CELF2: variants seen among roughly 807,000 people sequenced by gnomAD.
CELF2 encodes the protein CUG triplet repeat RNA-binding protein 2.
Under a neutral mutation model 62.6 loss-of-function variants are expected in CELF2, and 8 were observed. The ratio of observed to expected loss-of-function variants is 0.13; its 90% CI spans 0.07 to 0.23. CELF2 has a LOEUF of 0.23. Among genes scored for constraint, CELF2 ranks in the 10% least tolerant of loss-of-function variants. The pLI is 1.00. For missense variants in CELF2, 333 were observed against 671.0 expected, an observed-to-expected ratio of 0.50 and a Z score of 5.56; for synonymous variants, 258 against 250.0, an observed-to-expected ratio of 1.03 and a Z score of -0.30.
At chr10:10,759,296 CTTTTTT>C in the CELF2 span, among the ~76,000 whole-genome samples, 23 of 120,878 alleles carry the variant, frequency 1.9e-4, 1 homozygote, top group South Asian at 1.8e-3. Flanking sequence ...GCCCATTTTT[CTTTTTT>C]TTTTTTTTTT....
intron 1 of CELF2, among the ~76,000 whole-genome samples, chr10:10,844,295 A>C (rs1326966005): frequency 6.6e-6 from 1 of 152,068 alleles, no homozygotes; most frequent in Non-Finnish European, 1.5e-5. Flanking sequence ...AAACATTCAG[A>C]ACAAGGGGAA....
At chr10:10,788,427 T>C in the CELF2 span, among the ~76,000 whole-genome samples, 1 of 151,158 alleles carries the variant, frequency 6.6e-6, no homozygotes, top group African/African-American at 2.4e-5. Context: ...CCAATAATTG[T>C]ATTACTTTTG....
chr10:10,773,294 G>C, the CELF2 span, among the ~76,000 whole-genome samples: 1 of 152,178 alleles, frequency 6.6e-6, no homozygotes, highest in Non-Finnish European at 1.5e-5. Flanking sequence ...TGTAGGCGTT[G>C]ATATAGGCAC....
At position 11,244,300 on chromosome 10, in the gene CELF2, A is replaced by G. The variant is rs2074936156; in HGVS notation, c.355-4853A>G. ...ACTTGAAATTGTCCAGCCTATGAAC[A>G]TATCCCTCACTGTTAGTCTTGTGCT... On this transcript the variant is annotated intron_variant, in intron 3 of 12. Coordinates refer to ENST00000633077, the MANE Select transcript of CELF2 (RefSeq NM_001326342.2). This position sits in a 1 kb window ranked among gnomAD's most constrained non-coding sequence, Gnocchi z 4.2. 6.6e-6 allele frequency among the ~76,000 whole-genome samples: 1 copy of G among 152,236 alleles called. No individual in the cohort carries two copies. The highest frequency in any genetic ancestry group is 1.5e-5 in the Non-Finnish European group (1 of 68,044).
chr10:10,986,643 T>G (rs2052788475), intron 2 of CELF2, among the ~76,000 whole-genome samples: 1 of 152,202 alleles, frequency 6.6e-6, no homozygotes. Context: ...AGCTGCTTAG[T>G]GATGTTTTGA....
chr10:10,650,901 C>T, the CELF2 span, among the ~76,000 whole-genome samples: 1 of 152,130 alleles, frequency 6.6e-6, no homozygotes, highest in Non-Finnish European at 1.5e-5. Context: ...CTCCGGTCTA[C>T]AGCTCCCAGC....
At chr10:10,468,663 G>T in the CELF2 span, among the ~76,000 whole-genome samples, 3 of 151,916 alleles carry the variant, frequency 2.0e-5, no homozygotes, top group Non-Finnish European at 2.9e-5. Context: ...TTCAACTAGG[G>T]CGTGAACAAG....
At position 11,321,532 on chromosome 10, in the gene CELF2, A is replaced by C; in HGVS notation, c.1294+146A>C. On this transcript the variant is annotated intron_variant, in intron 11 of 12. Coordinates refer to ENST00000633077, the MANE Select transcript of CELF2 (RefSeq NM_001326342.2). The surrounding 1 kb of genome is among the most constrained non-coding windows in gnomAD (Gnocchi z 6.2). The stretch of plus-strand genomic sequence containing the variant: ...GTTATTCATGTTTAAAAAAAAAAAA[A>C]ACTGAAAGCTGGGCATGGTGGCATA... 1 of 699,828 alleles carries C rather than the reference A, an allele frequency of 1.4e-6. No individual in the cohort carries two copies. The highest frequency in any genetic ancestry group is 2.3e-6 in the Non-Finnish European group (1 of 433,792). 43.4% of individuals were successfully genotyped at this position (699,828 alleles called of 1,614,324 possible). A position where few individuals can be genotyped will look rare whatever the true frequency, so the allele number is the denominator to read the frequency against.
At chr10:10,941,525 G>A (rs2047048993) in intron 2 of CELF2, among the ~76,000 whole-genome samples, 1 of 152,166 alleles carries the variant, frequency 6.6e-6, no homozygotes, top group African/African-American at 2.4e-5. Context: ...GTTCACTAAT[G>A]CTAACGCTGC....
At chr10:10,565,183 A>G in the CELF2 span, among the ~76,000 whole-genome samples, 1 of 152,346 alleles carries the variant, frequency 6.6e-6, no homozygotes, top group East Asian at 1.9e-4. Context: ...GGCCCAGGCT[A>G]TTATCTGAGC....
Position 11,316,504 on chromosome 10 carries a change from T to G in CELF2, c.1096+2246T>G, listed in dbSNP as rs561373555. 6.6e-6 allele frequency among the ~76,000 whole-genome samples: 1 copy of G among 152,352 alleles called. No individual in the cohort carries two copies. The highest frequency in any genetic ancestry group is 1.9e-4 in the East Asian group (1 of 5,182). ...ACCATTCCTTCTCAACAGAGATGATTATGCTACCAGTTCCACTGGATAATT... is the reference window on the plus strand; with the variant it reads ...ACCATTCCTTCTCAACAGAGATGATGATGCTACCAGTTCCACTGGATAATT... On this transcript the variant is annotated intron_variant, in intron 10 of 12. Transcript: ENST00000633077. This position sits in a 1 kb window ranked among gnomAD's most constrained non-coding sequence, Gnocchi z 4.4.
chr10:10,862,341 A>G (rs1422250993), intron 1 of CELF2, among the ~76,000 whole-genome samples: 3 of 152,144 alleles, frequency 2.0e-5, no homozygotes, highest in African/African-American at 7.2e-5. Context: ...GACTGCAATG[A>G]TCTGAAGGCT....
the CELF2 span, among the ~76,000 whole-genome samples, chr10:10,648,922 T>G: frequency 6.6e-6 from 1 of 152,344 alleles, no homozygotes; most frequent in Non-Finnish European, 1.5e-5. Flanking sequence ...CAGATGATGC[T>G]GTCGGCTATT....
chr10:10,796,828 G>A (rs2054165922), upstream of CELF2: 12 of 923,570 alleles, frequency 1.3e-5, no homozygotes, highest in South Asian at 5.5e-4. Flanking sequence ...TTACGCTGTG[G>A]TCTGAGATTC....
At chr10:11,279,128 A>T (rs1198471997) in intron 8 of CELF2, among the ~76,000 whole-genome samples, 1 of 152,156 alleles carries the variant, frequency 6.6e-6, no homozygotes, top group Non-Finnish European at 1.5e-5. Flanking sequence ...TTTTTCTAGG[A>T]TAAAGAATTG....
Position 11,290,298 on chromosome 10 carries a change from T to C in CELF2, c.976+1746T>C, listed in dbSNP as rs2092308512. The stretch of plus-strand genomic sequence containing the variant: ...AGGAGGTGACCCCTCTCTCAAAAGG[T>C]GACCTTTGAGCAGAGACCTGAGTTC... On this transcript the variant is annotated intron_variant, in intron 9 of 12. Transcript: ENST00000633077. This position sits in a 1 kb window ranked among gnomAD's most constrained non-coding sequence, Gnocchi z 4.3. Among the ~76,000 whole-genome samples, 1 of 151,846 alleles carries C rather than the reference T, an allele frequency of 6.6e-6. No homozygotes were observed. The highest frequency in any genetic ancestry group is 2.4e-5 in the African/African-American group (1 of 41,292).
the CELF2 span, among the ~76,000 whole-genome samples, chr10:10,736,668 GA>G: frequency 6.6e-6 from 1 of 151,780 alleles, no homozygotes; most frequent in East Asian, 1.9e-4. Flanking sequence ...ATTGAGTTAA[GA>G]GGAAAATAAA....
intron 2 of CELF2, among the ~76,000 whole-genome samples, chr10:10,949,063 TGGA>T (rs2048014518): frequency 6.6e-6 from 1 of 152,016 alleles, no homozygotes; most frequent in Non-Finnish European, 1.5e-5. Context: ...CAGAGAGAAT[TGGA>T]GGAGGTGAGG....
At chr10:10,608,863 C>G in the CELF2 span, among the ~76,000 whole-genome samples, 2 of 152,134 alleles carry the variant, frequency 1.3e-5, no homozygotes, top group African/African-American at 4.8e-5. Context: ...CTACCTAGAA[C>G]TAAAAGTACT....
Sources: allele counts gnomAD v4.1 joint callset (sites outside exome capture counted in the v4.1 genomes callset), GRCh38; gene constraint gnomAD v4.1.1; non-coding constraint Gnocchi (gnomAD v3.1); transcripts MANE v1.5; gene names NCBI Gene and HGNC (gene_info 2026-07-23, HGNC 2026-07-21).